TAMM41: variants seen among roughly 807,000 people sequenced by gnomAD.
The protein encoded by TAMM41 is phosphatidate cytidylyltransferase, mitochondrial.
TAMM41 carries 36 observed loss-of-function variants against 44.1 expected under a neutral mutation model. That is an observed-to-expected ratio of 0.82 (90% CI 0.63 to 1.08). The LOEUF (loss-of-function observed/expected upper bound fraction) is 1.08, where lower values mean the gene tolerates loss of function less well. TAMM41 is among the 50% of genes least tolerant of loss of function. The pLI, the probability that TAMM41 is intolerant of heterozygous loss-of-function variation, is 0.00. For synonymous variants in TAMM41, 164 were observed against 153.1 expected, an observed-to-expected ratio of 1.07 and a Z score of -0.53; for missense variants, 417 against 404.3, an observed-to-expected ratio of 1.03 and a Z score of -0.27.
intron 5 of TAMM41, among the ~76,000 whole-genome samples, chr3:11,816,295 A>G (rs1337365186): frequency 6.6e-6 from 1 of 152,102 alleles, no homozygotes; most frequent in Non-Finnish European, 1.5e-5. Context: ...CAATACCTTG[A>G]TAAGAAAGTT....
chr3:11,835,732 G>A (rs1326264968), intron 3 of TAMM41, among the ~76,000 whole-genome samples: 1 of 152,166 alleles, frequency 6.6e-6, no homozygotes, highest in Non-Finnish European at 1.5e-5. Context: ...AAATAACTGA[G>A]ATAAGCAAAG....
At chr3:11,788,333 C>T (rs145514504), downstream of TAMM41, among the ~76,000 whole-genome samples, 11 of 152,298 alleles carry the variant, frequency 7.2e-5, no homozygotes, top group South Asian at 6.2e-4. Context: ...TCCATTTTGT[C>T]GCCCAGGCTG....
the TAMM41 span, among the ~76,000 whole-genome samples, chr3:11,731,823 G>T: frequency 6.6e-6 from 1 of 151,650 alleles, no homozygotes. Flanking sequence ...TCTCCCCAGG[G>T]ACTTTATGTG....
chr3:11,772,716 T>C, the TAMM41 span, among the ~76,000 whole-genome samples: 1 of 152,180 alleles, frequency 6.6e-6, no homozygotes, highest in Non-Finnish European at 1.5e-5. Flanking sequence ...GGTAGTTCTA[T>C]TTTTAGTTCT....
the TAMM41 span, among the ~76,000 whole-genome samples, chr3:11,755,900 C>T: frequency 2.0e-5 from 3 of 152,198 alleles, no homozygotes; most frequent in Admixed American, 6.5e-5. Context: ...GCTGTCTGTT[C>T]GTCCCCTGAC....
At chr3:11,817,140 C>A in intron 5 of TAMM41, 52 bp downstream of exon 5, 1 of 1,570,892 alleles carries the variant, frequency 6.4e-7, no homozygotes, top group Non-Finnish European at 8.7e-7. Flanking sequence ...TTTCTTCCTG[C>A]AAATAGCCTT....
chr3:11,754,716 T>C, the TAMM41 span, among the ~76,000 whole-genome samples: 5 of 144,380 alleles, frequency 3.5e-5, no homozygotes, highest in Non-Finnish European at 7.6e-5. Flanking sequence ...CTCTTTTTTT[T>C]TTTTTTTTTT....
At chr3:11,794,616 A>C (rs1411836620) in intron 7 of TAMM41, among the ~76,000 whole-genome samples, 1 of 152,242 alleles carries the variant, frequency 6.6e-6, no homozygotes, top group Non-Finnish European at 1.5e-5. Context: ...ATTTTGTTTT[A>C]GAAGCATGCA....
At chr3:11,740,933 G>T in the TAMM41 span, among the ~76,000 whole-genome samples, 1 of 146,920 alleles carries the variant, frequency 6.8e-6, no homozygotes, top group East Asian at 2.0e-4. Flanking sequence ...AAATATCAGG[G>T]CTCCAGGCCG....
chr3:11,769,340 T>C, the TAMM41 span, among the ~76,000 whole-genome samples: 1 of 151,258 alleles, frequency 6.6e-6, no homozygotes, highest in Non-Finnish European at 1.5e-5. Flanking sequence ...TCCATCTGCC[T>C]TGGCCTCCCA....
Position 11,817,253 on chromosome 3 carries a change from T to C in TAMM41, c.647A>G (p.Tyr216Cys), listed in dbSNP as rs1417760425. ...KPNIAHFREL[Y>C]GSILQENPQV... ...AGGATTTTCCTGTAGTATGCTGCCATAGAGCTCTCGAAAGTGGGCTATATT... is the reference window on the plus strand; with the variant it reads ...AGGATTTTCCTGTAGTATGCTGCCACAGAGCTCTCGAAAGTGGGCTATATT... The change falls in exon 5 of 8, where the codon TAT (tyrosine) becomes TGT (cysteine). Residue 216 changes from tyrosine (Y) to cysteine (C), a missense_variant. Tyr to Cys is a radical substitution (Grantham distance 194). Transcript: ENST00000455809. 8 of 1,613,558 alleles carry C rather than the reference T, an allele frequency of 5.0e-6. No homozygotes were observed. Among genetic ancestry groups the C allele is most frequent in the South Asian group, 3.3e-5 (3 of 91,016 alleles).
At chr3:11,776,188 TA>T in the TAMM41 span, among the ~76,000 whole-genome samples, 1 of 151,062 alleles carries the variant, frequency 6.6e-6, no homozygotes, top group East Asian at 1.9e-4. Flanking sequence ...TAATTTTTTG[TA>T]TTTTTTTTTT....
the TAMM41 span, among the ~76,000 whole-genome samples, chr3:11,768,847 G>A: frequency 6.6e-6 from 1 of 152,338 alleles, no homozygotes; most frequent in South Asian, 2.1e-4. Flanking sequence ...CAGAGCTTAG[G>A]AGCACAGTGG....
chr3:11,808,595 C>G, intron 6 of TAMM41: 1 of 985,452 alleles, frequency 1.0e-6, no homozygotes, highest in East Asian at 1.1e-4. Flanking sequence ...TGAATGAAAA[C>G]AGGAGAATGC....
At position 11,791,229 on chromosome 3, in the gene TAMM41, C is replaced by T. The variant is rs139598081; in HGVS notation, c.938-648G>A. 3.1e-3 allele frequency among the ~76,000 whole-genome samples: 465 copies of T among 152,270 alleles called. 4 individuals carry two copies. The highest frequency in any genetic ancestry group is 4.9e-3 in the Non-Finnish European group (334 of 68,008). ...ACCTAGGTGGCCCTGTCACCTAGTA[C>T]AGGACCCAGAACACAGCAGGTGCTC... is the stretch of plus-strand genomic sequence containing the variant. On this transcript the variant is annotated intron_variant, in intron 7 of 7. Coordinates refer to ENST00000455809, the MANE Select transcript of TAMM41 (RefSeq NM_001284401.2).
chr3:11,777,892 C>T, the TAMM41 span, among the ~76,000 whole-genome samples: 5 of 152,120 alleles, frequency 3.3e-5, 1 homozygote, highest in South Asian at 6.2e-4. Flanking sequence ...AAGAAAACTT[C>T]CCAATTCTTA....
intron 3 of TAMM41, among the ~76,000 whole-genome samples, chr3:11,837,381 C>G (rs2079226023): frequency 6.6e-6 from 1 of 151,514 alleles, no homozygotes; most frequent in Non-Finnish European, 1.5e-5. Flanking sequence ...AAGACCCTTT[C>G]TCAGAGCACA....
chr3:11,819,230 G>A (rs147739754), intron 4 of TAMM41, among the ~76,000 whole-genome samples: 6 of 152,240 alleles, frequency 3.9e-5, no homozygotes, highest in Non-Finnish European at 8.8e-5. Flanking sequence ...CACAGAGTAA[G>A]ACAGAAACAC....
the TAMM41 span, among the ~76,000 whole-genome samples, chr3:11,782,769 C>T: frequency 3.3e-5 from 5 of 152,282 alleles, no homozygotes; most frequent in African/African-American, 7.2e-5. Flanking sequence ...CCTCCCCACA[C>T]GGTTGGAGTT....
Sources: gnomAD v4.1 joint callset for allele counts (sites outside exome capture counted in the v4.1 genomes callset) on GRCh38, gnomAD v4.1.1 for gene constraint, MANE v1.5 for transcripts, NCBI Gene and HGNC (gene_info 2026-07-23, HGNC 2026-07-21) for gene names.